HABP4: variants seen among roughly 807,000 people sequenced by gnomAD.
HABP4 encodes hyaluronan binding protein 4.
HABP4 carries 32 observed loss-of-function variants against 44.1 expected under a neutral mutation model. The ratio of observed to expected loss-of-function variants is 0.73; its 90% CI spans 0.55 to 0.97. The LOEUF is 0.97. HABP4 is among the 50% of genes least tolerant of loss of function. HABP4 has a pLI of 0.00. For missense variants in HABP4, 503 were observed against 561.9 expected (o/e 0.90, Z 1.06); for synonymous variants, 216 against 218.0 (o/e 0.99, Z 0.08).
In HABP4 at chr9:96,465,191, C is replaced by A. The variant is rs565254532; in HGVS notation, c.513-146C>A. ...TGCCAGGTATATAGTCTATAGTATG[C>A]GCTCACTAAAGGTTAACTATTAATT... On this transcript the variant is annotated intron_variant, in intron 2 of 7. Transcript: ENST00000375249. 4 of 647,122 alleles carry A rather than the reference C, an allele frequency of 6.2e-6. No homozygotes were observed. The East Asian group carries it at 1.0e-4, about 16-fold the overall frequency. 40.1% of individuals were successfully genotyped at this position (647,122 alleles called of 1,614,324 possible).
chr9:96,458,186 A>G (rs1300942397), intron 1 of HABP4, among the ~76,000 whole-genome samples, 193 bp from the exon 2 acceptor site: 1 of 152,202 alleles, frequency 6.6e-6, no homozygotes, highest in Admixed American at 6.5e-5. Flanking sequence ...TTTAATAGTA[A>G]CATCCTATTA....
At chr9:96,471,536 T>C (rs953940725) in intron 5 of HABP4, among the ~76,000 whole-genome samples, 1 of 152,196 alleles carries the variant, frequency 6.6e-6, no homozygotes, top group Admixed American at 6.5e-5. Flanking sequence ...TGACTGGTGA[T>C]CAAACTAATT....
chr9:96,484,351 A>C lies in HABP4; in HGVS notation c.828-111A>C. 4 of 580,706 alleles carry C rather than the reference A, an allele frequency of 6.9e-6. No homozygotes were observed. In the South Asian group the frequency reaches 8.2e-5, roughly 12 times the overall value. 36.0% of individuals were successfully genotyped at this position (580,706 alleles called of 1,614,324 possible). A position where few individuals can be genotyped will look rare whatever the true frequency, so the allele number is the denominator to read the frequency against. On this transcript the variant is annotated intron_variant, in intron 5 of 7. Coordinates refer to ENST00000375249, the MANE Select transcript of HABP4 (RefSeq NM_014282.4). ...ATTTCCTTACCTTATTTGCATTTGA[A>C]ATGCAGTACCACAAAAATATGTTGA... is the stretch of plus-strand genomic sequence containing the variant.
At chr9:96,459,394 G>A (rs1832460456) in intron 2 of HABP4, among the ~76,000 whole-genome samples, 1 of 152,178 alleles carries the variant, frequency 6.6e-6, no homozygotes, top group South Asian at 2.1e-4. Flanking sequence ...GAAGTCGTGG[G>A]CTGGTGGAGT....
intron 2 of HABP4, among the ~76,000 whole-genome samples, chr9:96,462,796 C>G (rs1832529026): frequency 6.6e-6 from 1 of 151,652 alleles, no homozygotes; most frequent in Non-Finnish European, 1.5e-5. Flanking sequence ...GTGGCACATG[C>G]CTGTAGTCTC....
chr9:96,484,522 GA>G lies in HABP4; in HGVS notation c.893del (p.Asn298IlefsTer27). 6.3e-7 allele frequency: 1 copy of G among 1,586,160 alleles called. No individual in the cohort carries two copies. The highest frequency in any genetic ancestry group is 8.7e-7 in the Non-Finnish European group (1 of 1,154,522). On this transcript the variant is annotated frameshift_variant, in exon 6 of 8. Transcript: ENST00000375249. LOFTEE classifies it high-confidence loss of function. ...QVQEMTLDEW[K>X]NLQEQTRPKP... Reference sequence around the variant, plus strand: ...TTCAAGAGATGACTTTAGATGAGTGGAAAAATCTTCAAGAACAGACCAGACC... The same window carrying G: ...TTCAAGAGATGACTTTAGATGAGTGGAAAATCTTCAAGAACAGACCAGACC...
chr9:96,454,437 A>G (rs1262147878), intron 1 of HABP4, among the ~76,000 whole-genome samples: 2 of 148,146 alleles, frequency 1.4e-5, no homozygotes, highest in African/African-American at 2.5e-5. Flanking sequence ...TGCCTTTTCC[A>G]GTTCTGAACT....
intron 5 of HABP4, among the ~76,000 whole-genome samples, chr9:96,475,390 C>CAAAAAAAAAAAAAAAAAAAAA (rs61553823): frequency 8.5e-5 from 8 of 94,094 alleles, no homozygotes; most frequent in African/African-American, 1.6e-4. Context: ...ACAACAACAA[C>CAAAAAAAAAAAAAAAAAAAAA]AAAAAAAAAA....
chr9:96,450,536 G>C lies in HABP4; in HGVS notation c.257G>C (p.Gly86Ala). Residue 86 changes from glycine (G) to alanine (A), a missense_variant, in exon 1 of 8, where the codon GGC (glycine) becomes GCC (alanine). Physicochemically the swap from Gly to Ala is moderately conservative, Grantham distance 60. Coordinates refer to ENST00000375249, the MANE Select transcript of HABP4 (RefSeq NM_014282.4). This position sits in a 1 kb window ranked among gnomAD's most constrained non-coding sequence, Gnocchi z 4.8. ...AGASGHRAGA[G>A]GRRESQKERK... ...GCCTCGGGCCACAGAGCCGGCGCGG[G>C]CGGCCGGAGGGAGTCGCAGAAGGAG... 1.6e-6 allele frequency: 2 copies of C among 1,235,720 alleles called. No homozygotes were observed. Among genetic ancestry groups the C allele is most frequent in the Non-Finnish European group, 2.0e-6 (2 of 989,330 alleles). 76.5% of individuals were successfully genotyped at this position (1,235,720 alleles called of 1,614,324 possible). A position where few individuals can be genotyped will look rare whatever the true frequency, so the allele number is the denominator to read the frequency against.
chr9:96,456,796 T>A lies in HABP4; in HGVS notation c.350-1583T>A, dbSNP rs1176078718. Among the ~76,000 whole-genome samples, 484 of 89,736 alleles carry A rather than the reference T, an allele frequency of 5.4e-3. 4 individuals are homozygous for A. Among genetic ancestry groups the A allele is most frequent in the African/African-American group, 0.01 (230 of 22,982 alleles). The allele number at this position is 89,736 out of a possible 152,430, so 58.9% of individuals were successfully genotyped here. On this transcript the variant is annotated intron_variant, in intron 1 of 7. Coordinates refer to ENST00000375249, the MANE Select transcript of HABP4 (RefSeq NM_014282.4). ...AAAAAAAAAAATATATATATATATA[T>A]ATATATATATATATATATATATATA...
In HABP4 at chr9:96,465,857, G is replaced by A. The variant is rs560030480; in HGVS notation, c.743+79G>A. The A allele has an allele frequency of 3.8e-5, 31 of 807,484 alleles. 1 individual carries two copies. The African/African-American group carries it at 4.5e-4, about 12-fold the overall frequency. The allele number at this position is 807,484 out of a possible 1,614,324, so 50.0% of individuals were successfully genotyped here. On this transcript the variant is annotated intron_variant, in intron 4 of 7. Coordinates refer to ENST00000375249, the MANE Select transcript of HABP4 (RefSeq NM_014282.4). ...GATCTTTGCTTTTCTTGAAAATGAT[G>A]TCTTCTGTATTGTGCTTTATACTTG...
intron 4 of HABP4, among the ~76,000 whole-genome samples, chr9:96,465,987 A>G (rs1168336185): frequency 6.6e-6 from 1 of 152,206 alleles, no homozygotes; most frequent in Admixed American, 6.5e-5. Context: ...TTAAAATTCT[A>G]TTACTTTAGC....
chr9:96,486,953 C>T (rs756355496), intron 6 of HABP4, among the ~76,000 whole-genome samples: 6 of 152,116 alleles, frequency 3.9e-5, no homozygotes, highest in East Asian at 3.9e-4. Context: ...ACCTTACCAG[C>T]GCTTCCCTGC....
At chr9:96,466,734 T>C (rs1480190299) in intron 4 of HABP4, among the ~76,000 whole-genome samples, 1 of 151,986 alleles carries the variant, frequency 6.6e-6, no homozygotes, top group East Asian at 1.9e-4. Context: ...CTAGTTAGAG[T>C]GGATACATGG....
At chr9:96,489,702 A>G (rs1011780411) in intron 7 of HABP4, among the ~76,000 whole-genome samples, 1 of 152,142 alleles carries the variant, frequency 6.6e-6, no homozygotes, top group African/African-American at 2.4e-5. Flanking sequence ...TAACCATTCT[A>G]TTTACTCGAT....
At chr9:96,471,466 T>A (rs79825407) in intron 5 of HABP4, among the ~76,000 whole-genome samples, 3,870 of 152,144 alleles carry the variant, frequency 0.025, 70 homozygotes, top group Middle Eastern at 0.051. Context: ...TAAGAGCTCT[T>A]CACAGACTGG....
intron 1 of HABP4, among the ~76,000 whole-genome samples, chr9:96,456,692 G>A (rs1478819015): frequency 3.4e-5 from 5 of 145,844 alleles, no homozygotes; most frequent in Admixed American, 6.9e-5. Context: ...CCCGGGAGGC[G>A]GTGCTTGCAG....
intron 5 of HABP4, among the ~76,000 whole-genome samples, chr9:96,472,459 C>T (rs117436769): frequency 0.013 from 1,943 of 152,194 alleles, 15 homozygotes; most frequent in Non-Finnish European, 0.019. Flanking sequence ...AATTATGATC[C>T]ATTAGGTGGC....
At chr9:96,468,899 T>C (rs189192979) in intron 4 of HABP4, among the ~76,000 whole-genome samples, 114 of 152,336 alleles carry the variant, frequency 7.5e-4, no homozygotes, top group African/African-American at 2.5e-3. Context: ...GTGCTACTTT[T>C]GATTAGTGAG....
Sources: allele counts gnomAD v4.1 joint callset (sites outside exome capture counted in the v4.1 genomes callset), GRCh38; gene constraint gnomAD v4.1.1; non-coding constraint Gnocchi (gnomAD v3.1); transcripts MANE v1.5; gene names NCBI Gene and HGNC (gene_info 2026-07-23, HGNC 2026-07-21).